The following WWP1 variants were observed in gnomAD, a reference collection of about 807,000 sequenced individuals.
The protein encoded by WWP1 is WW domain containing E3 ubiquitin protein ligase 1, also known as NEDD4-like E3 ubiquitin-protein ligase WWP1.
In WWP1, 49 loss-of-function variants were observed where a neutral mutation model predicts 130.6. The observed-to-expected ratio is 0.38, with a 90% CI of 0.30 to 0.48. The LOEUF (loss-of-function observed/expected upper bound fraction) is 0.48, where lower values mean the gene tolerates loss of function less well. Ranked by LOEUF, WWP1 falls within the 20% of genes least tolerant of loss-of-function variation. The pLI is 0.99. For missense variants in WWP1, 809 were observed against 1,100.6 expected, an observed-to-expected ratio of 0.74 and a Z score of 3.75; for synonymous variants, 332 against 367.8, an observed-to-expected ratio of 0.90 and a Z score of 1.11.
intron 16 of WWP1, among the ~76,000 whole-genome samples, chr8:86,436,967 TTAA>T (rs1810322972): frequency 6.6e-6 from 1 of 151,970 alleles, no homozygotes; most frequent in Non-Finnish European, 1.5e-5. Context: ...TTTTTTTGAG[TTAA>T]TAAATTCTTA....
At chr8:86,361,050 T>C (rs896388290) in intron 1 of WWP1, among the ~76,000 whole-genome samples, 1 of 152,078 alleles carries the variant, frequency 6.6e-6, no homozygotes, top group Non-Finnish European at 1.5e-5. Flanking sequence ...ATTTATGAGT[T>C]TGGATTTATT....
chr8:86,420,194 A>G (rs1563515127), intron 9 of WWP1, among the ~76,000 whole-genome samples: 1 of 152,144 alleles, frequency 6.6e-6, no homozygotes, highest in Non-Finnish European at 1.5e-5. Flanking sequence ...GGAAAGCCCA[A>G]ACTGGCCTCA....
rs537362905 is a variant in WWP1, at chr8:86,398,740, TTAGAAGCTTA to T, written c.539+104_539+113del. On this transcript the variant is annotated intron_variant, in intron 7 of 24. Coordinates refer to ENST00000517970, the MANE Select transcript of WWP1 (RefSeq NM_007013.4). ...CTTAGTTTAGAATTTGCCACACAGT[TTAGAAGCTTA>T]TGTCTAAGCATGTCATTTGGTTAAT... 4,246 of 1,259,108 alleles carry T rather than the reference TTAGAAGCTTA, an allele frequency of 3.4e-3. 14 individuals are homozygous for T. The highest frequency in any genetic ancestry group is 4.0e-3 in the Non-Finnish European group (3,549 of 888,110). 78.0% of individuals were successfully genotyped at this position (1,259,108 alleles called of 1,614,324 possible). A position where few individuals can be genotyped will look rare whatever the true frequency, so the allele number is the denominator to read the frequency against.
At chr8:86,442,282 C>A (rs1434782134) in intron 17 of WWP1, 1 of 163,196 alleles carries the variant, frequency 6.1e-6, no homozygotes, top group African/African-American at 2.4e-5. Flanking sequence ...GATATTAATA[C>A]AAATACACTG....
At chr8:86,392,823 G>A (rs1807431923) in intron 5 of WWP1, among the ~76,000 whole-genome samples, 1 of 152,192 alleles carries the variant, frequency 6.6e-6, no homozygotes, top group African/African-American at 2.4e-5. Context: ...CACATTCAAT[G>A]ATGTAAGTGC....
intron 20 of WWP1, among the ~76,000 whole-genome samples, chr8:86,449,745 C>T (rs1272787498): frequency 1.3e-5 from 2 of 152,166 alleles, no homozygotes; most frequent in East Asian, 3.8e-4. Context: ...TGCTAGCTGT[C>T]ATCTCTGTCT....
intron 9 of WWP1, among the ~76,000 whole-genome samples, chr8:86,421,372 CATTTT>C (rs1421318742): frequency 1.3e-5 from 2 of 152,002 alleles, no homozygotes; most frequent in Admixed American, 1.3e-4. Flanking sequence ...GTGCATTTGT[CATTTT>C]AAGTATGTAT....
Position 86,411,661 on chromosome 8 carries a change from T to G in WWP1, c.848T>G (p.Val283Gly). 2.5e-6 allele frequency: 4 copies of G among 1,614,120 alleles called. No homozygotes were observed. Among genetic ancestry groups the G allele is most frequent in the African/African-American group, 1.3e-5 (1 of 75,050 alleles). Reference sequence around the variant, plus strand: ...AGTACTACTGTTGAAGATCCTCCAGTTCAAGAAATACTGACTTCCTCAGAA... The same window carrying G: ...AGTACTACTGTTGAAGATCCTCCAGGTCAAGAAATACTGACTTCCTCAGAA... ...CTSTTVEDPP[V>G]QEILTSSENN... is the part of the protein sequence containing the mutation. Residue 283 changes from valine (V) to glycine (G), a missense_variant, in exon 9 of 25, where the codon GTT becomes GGT. Transcript: ENST00000517970.
Position 86,342,676 on chromosome 8 carries a change from G to C in WWP1, c.-369G>C, listed in dbSNP as rs1281722907. The stretch of plus-strand genomic sequence containing the variant: ...ACGCGGCGCGCTCCCGAGGAAGGGA[G>C]GTGTGGGGTCGGCTGGGGGTGGCGC... On this transcript the variant is annotated 5_prime_UTR_variant, in exon 1 of 25. Transcript: ENST00000517970. 1 of 319,990 alleles carries C rather than the reference G, an allele frequency of 3.1e-6. No individual in the cohort carries two copies. The highest frequency in any genetic ancestry group is 5.7e-6 in the Non-Finnish European group (1 of 176,926). The allele number at this position is 319,990 out of a possible 1,614,324, so 19.8% of individuals were successfully genotyped here. A position where few individuals can be genotyped will look rare whatever the true frequency, so the allele number is the denominator to read the frequency against.
At chr8:86,414,958 T>C (rs1563510880) in intron 9 of WWP1, among the ~76,000 whole-genome samples, 1 of 124,292 alleles carries the variant, frequency 8.0e-6, no homozygotes, top group Non-Finnish European at 1.6e-5. Flanking sequence ...GAAATAATGA[T>C]AGAATGTTGG....
chr8:86,359,506 C>G (rs1012355115), intron 1 of WWP1, among the ~76,000 whole-genome samples: 4 of 152,056 alleles, frequency 2.6e-5, no homozygotes, highest in African/African-American at 7.2e-5. Context: ...ATTCCCAGTG[C>G]CCCAAAGAGT....
intron 12 of WWP1, 21 bp from the exon 13 acceptor site, chr8:86,431,380 AATATT>A (rs1192777417): frequency 7.3e-7 from 1 of 1,367,250 alleles, no homozygotes; most frequent in Non-Finnish European, 9.9e-7. Context: ...ATAGTTATTA[AATATT>A]ATACTCACTT....
chr8:86,403,771 C>G (rs377387911), intron 8 of WWP1, among the ~76,000 whole-genome samples: 1 of 150,314 alleles, frequency 6.7e-6, no homozygotes, highest in Non-Finnish European at 1.5e-5. Flanking sequence ...GACTAAAATA[C>G]GGTTTCCCAA....
chr8:86,430,641 C>CTGTTATTTTA (rs1809886446), intron 11 of WWP1, 56 bp from the exon 12 acceptor site: 7 of 1,421,780 alleles, frequency 4.9e-6, no homozygotes, highest in Non-Finnish European at 6.7e-6. Flanking sequence ...CTTATTTCTA[C>CTGTTATTTTA]TTTCATATTA....
At chr8:86,356,070 A>C (rs1563460075) in intron 1 of WWP1, among the ~76,000 whole-genome samples, 3 of 152,156 alleles carry the variant, frequency 2.0e-5, no homozygotes, top group African/African-American at 7.2e-5. Flanking sequence ...GTTAGAGATA[A>C]TTTTTTTGTA....
At chr8:86,394,316 G>A (rs187585023) in intron 5 of WWP1, among the ~76,000 whole-genome samples, 422 of 152,186 alleles carry the variant, frequency 2.8e-3, no homozygotes, top group African/African-American at 9.6e-3. Flanking sequence ...AAGGAAGAAG[G>A]TCTAGGAGGT....
chr8:86,458,968 C>T (rs1423153650), intron 22 of WWP1, among the ~76,000 whole-genome samples: 1 of 150,338 alleles, frequency 6.7e-6, no homozygotes, highest in Non-Finnish European at 1.5e-5. Flanking sequence ...AACTATGATA[C>T]ATCCGTTCTT....
At chr8:86,414,890 T>TCCCCCCCC (rs1222505171) in intron 9 of WWP1, among the ~76,000 whole-genome samples, 14 of 94,866 alleles carry the variant, frequency 1.5e-4, no homozygotes, top group Non-Finnish European at 2.2e-4. Flanking sequence ...CCCCCCCCCA[T>TCCCCCCCC]CCCCCCACCC....
intron 1 of WWP1, among the ~76,000 whole-genome samples, chr8:86,366,875 T>A (rs1824004541): frequency 6.6e-6 from 1 of 152,212 alleles, no homozygotes. Flanking sequence ...TATGTAGAAG[T>A]AATATTACTA....
Sources: gnomAD v4.1 joint callset for allele counts (sites outside exome capture counted in the v4.1 genomes callset) on GRCh38, gnomAD v4.1.1 for gene constraint, MANE v1.5 for transcripts, NCBI Gene and HGNC (gene_info 2026-07-23, HGNC 2026-07-21) for gene names.